Variants in ARB2A observed in about 807,000 individuals in gnomAD.
The protein encoded by ARB2A is cotranscriptional regulator ARB2A.
chr5:93,948,946 T>TC, the ARB2A span, among the ~76,000 whole-genome samples: 1 of 152,200 alleles, frequency 6.6e-6, no homozygotes, highest in African/African-American at 2.4e-5. Flanking sequence ...GGTGGTAACT[T>TC]CCAGGGTCTT....
At chr5:93,998,808 GATT>G in the ARB2A span, among the ~76,000 whole-genome samples, 1 of 151,960 alleles carries the variant, frequency 6.6e-6, no homozygotes, top group Non-Finnish European at 1.5e-5. Context: ...ATTCACAATA[GATT>G]ATTTGCCCAG....
At chr5:93,863,562 C>T in the ARB2A span, 1 of 151,936 alleles carries the variant, frequency 6.6e-6, no homozygotes, top group Non-Finnish European at 1.5e-5. Context: ...AGCCACTGCA[C>T]CTGTCTGAGT....
At chr5:93,944,999 A>G in the ARB2A span, among the ~76,000 whole-genome samples, 1 of 152,156 alleles carries the variant, frequency 6.6e-6, no homozygotes, top group East Asian at 1.9e-4. Context: ...GTAGGCCATA[A>G]CACTAAAAAC....
At chr5:94,035,110 T>C in the ARB2A span, among the ~76,000 whole-genome samples, 1 of 152,094 alleles carries the variant, frequency 6.6e-6, no homozygotes, top group Non-Finnish European at 1.5e-5. Context: ...TCTTTTATTT[T>C]CTTAGTTCCA....
At chr5:93,756,998 A>G in the ARB2A span, among the ~76,000 whole-genome samples, 1 of 152,182 alleles carries the variant, frequency 6.6e-6, no homozygotes, top group African/African-American at 2.4e-5. Context: ...TGAAGGGAGA[A>G]ATATTCAGAA....
At chr5:93,946,007 A>T in the ARB2A span, among the ~76,000 whole-genome samples, 1 of 152,206 alleles carries the variant, frequency 6.6e-6, no homozygotes, top group African/African-American at 2.4e-5. Context: ...ATCTCAATAA[A>T]AAGTATTTTC....
At chr5:93,974,004 GC>G in the ARB2A span, among the ~76,000 whole-genome samples, 1 of 152,184 alleles carries the variant, frequency 6.6e-6, no homozygotes, top group South Asian at 2.1e-4. Context: ...AGACTACCAT[GC>G]AACTAGCTAA....
chr5:93,683,396 G>A, the ARB2A span: 2 of 1,602,282 alleles, frequency 1.2e-6, no homozygotes, highest in Non-Finnish European at 1.7e-6. Context: ...AATATGCACT[G>A]GCCCTGAACC....
the ARB2A span, among the ~76,000 whole-genome samples, chr5:93,981,642 T>C: frequency 3.3e-5 from 5 of 151,718 alleles, no homozygotes; most frequent in Non-Finnish European, 5.9e-5. Context: ...ATATTTAATA[T>C]AATATTTAAT....
At chr5:93,712,836 T>C in the ARB2A span, among the ~76,000 whole-genome samples, 1 of 152,144 alleles carries the variant, frequency 6.6e-6, no homozygotes, top group East Asian at 1.9e-4. Context: ...CAAAACAACA[T>C]GGTACTGGCA....
the ARB2A span, among the ~76,000 whole-genome samples, chr5:93,770,859 A>G: frequency 1.3e-5 from 2 of 152,280 alleles, no homozygotes; most frequent in African/African-American, 4.8e-5. Context: ...AATCAATATC[A>G]TGAAAGTGGC....
chr5:94,011,957 AAG>A, the ARB2A span, among the ~76,000 whole-genome samples: 3 of 150,140 alleles, frequency 2.0e-5, no homozygotes, highest in African/African-American at 7.4e-5. Context: ...AAAAAAAAAA[AAG>A]ACGAGGCAAA....
At chr5:94,010,933 C>T in the ARB2A span, among the ~76,000 whole-genome samples, 1 of 152,016 alleles carries the variant, frequency 6.6e-6, no homozygotes, top group Admixed American at 6.6e-5. Context: ...GGCCTGTAAG[C>T]CATATCAAGG....
At chr5:93,763,812 A>G in the ARB2A span, among the ~76,000 whole-genome samples, 1 of 152,236 alleles carries the variant, frequency 6.6e-6, no homozygotes, top group African/African-American at 2.4e-5. Context: ...AGCTCTCATC[A>G]GCAAATGTAA....
chr5:93,918,950 G>C, the ARB2A span, among the ~76,000 whole-genome samples: 9 of 152,130 alleles, frequency 5.9e-5, no homozygotes, highest in Non-Finnish European at 1.2e-4. Flanking sequence ...AGTCAAAAGT[G>C]AAACTTGAAC....
the ARB2A span, among the ~76,000 whole-genome samples, chr5:93,689,415 A>G: frequency 6.6e-6 from 1 of 152,230 alleles, no homozygotes; most frequent in East Asian, 1.9e-4. Flanking sequence ...AACTGGCATT[A>G]AAAGGGCTGA....
chr5:93,683,191 A>T, the ARB2A span: 48 of 1,296,852 alleles, frequency 3.7e-5, no homozygotes, highest in Non-Finnish European at 3.3e-5. Flanking sequence ...CATCATCATC[A>T]TCATCTTCAT....
At chr5:94,011,975 C>T in the ARB2A span, among the ~76,000 whole-genome samples, 5 of 137,378 alleles carry the variant, frequency 3.6e-5, no homozygotes, top group Admixed American at 1.5e-4. Context: ...GCAAAGGACA[C>T]GGAAAATGAG....
At chr5:94,089,219 A>C in the ARB2A span, among the ~76,000 whole-genome samples, 1 of 152,164 alleles carries the variant, frequency 6.6e-6, no homozygotes, top group African/African-American at 2.4e-5. Flanking sequence ...TCTGCATGAG[A>C]GTTAAACTTC....
Sources: gnomAD v4.1 joint callset for allele counts (sites outside exome capture counted in the v4.1 genomes callset) on GRCh38, gnomAD v4.1.1 for gene constraint, MANE v1.5 for transcripts, NCBI Gene and HGNC (gene_info 2026-07-23, HGNC 2026-07-21) for gene names.